The following CNTNAP3B variants were observed in gnomAD, a reference collection of about 807,000 sequenced individuals.
The protein encoded by CNTNAP3B is contactin associated protein family member 3B.
Under a neutral mutation model 108.9 loss-of-function variants are expected in CNTNAP3B, and 25 were observed. The ratio of observed to expected loss-of-function variants is 0.23; its 90% CI spans 0.17 to 0.32. CNTNAP3B has a LOEUF of 0.32. CNTNAP3B is among the 10% of genes least tolerant of loss of function. The pLI is 1.00. For missense variants in CNTNAP3B, 252 were observed against 1,210.4 expected (o/e 0.21, Z 11.75); for synonymous variants, 103 against 473.4 (o/e 0.22, Z 10.16).
At chr9:42,096,425 T>C (rs1427990513) in intron 2 of CNTNAP3B, among the ~76,000 whole-genome samples, 4 of 139,804 alleles carry the variant, frequency 2.9e-5, no homozygotes, top group Non-Finnish European at 3.1e-5. Context: ...GACCAAAAGA[T>C]GCTTTTGGAC....
chr9:42,057,407 G>A lies in CNTNAP3B; in HGVS notation c.390+19462C>T, dbSNP rs1347202679. ...TTTAGTAGAGACAGGGTTTCACCAC[G>A]TTAGCTAGTCTGCTCTCAAACTCCT... is the stretch of plus-strand genomic sequence containing the variant. On this transcript the variant is annotated intron_variant, in intron 3 of 23. Transcript: ENST00000377561. Among the ~76,000 whole-genome samples the A allele has an allele frequency of 7.5e-5, 7 of 93,298 alleles. 1 individual carries two copies. The highest frequency in any genetic ancestry group is 1.3e-4 in the Non-Finnish European group (6 of 44,648). 61.2% of individuals were successfully genotyped at this position (93,298 alleles called of 152,430 possible).
intron 15 of CNTNAP3B, among the ~76,000 whole-genome samples, chr9:41,924,375 G>A (rs1216989563): frequency 2.0e-5 from 3 of 152,304 alleles, no homozygotes; most frequent in African/African-American, 7.2e-5. Context: ...TAGGGACAGG[G>A]TCAAGTTCAG....
chr9:41,924,267 G>C (rs1235572526), intron 15 of CNTNAP3B, among the ~76,000 whole-genome samples, 174 bp from the exon 16 acceptor site: 32 of 151,912 alleles, frequency 2.1e-4, no homozygotes, highest in African/African-American at 6.3e-4. Context: ...GAGCTAAATG[G>C]TGATTACGCT....
intron 3 of CNTNAP3B, among the ~76,000 whole-genome samples, chr9:42,051,710 T>A (rs1347686305): frequency 7.0e-6 from 1 of 142,774 alleles, no homozygotes; most frequent in South Asian, 2.3e-4. Flanking sequence ...TGTAAATTTA[T>A]TGGCCGTTTA....
intron 2 of CNTNAP3B, among the ~76,000 whole-genome samples, chr9:42,080,661 TTG>T (rs1409461844): frequency 2.6e-5 from 1 of 38,280 alleles, no homozygotes; most frequent in South Asian, 7.5e-4. Context: ...GACAAAAATG[TTG>T]TCTTTGTTTA....
intron 14 of CNTNAP3B, among the ~76,000 whole-genome samples, chr9:41,934,644 T>G (rs1824099085): frequency 6.6e-6 from 1 of 152,422 alleles, no homozygotes; most frequent in African/African-American, 2.4e-5. Flanking sequence ...CATCTTTGTC[T>G]GACATAATAC....
intron 15 of CNTNAP3B, among the ~76,000 whole-genome samples, chr9:41,928,542 G>A (rs1357535388): frequency 2.0e-5 from 3 of 152,238 alleles, no homozygotes; most frequent in Non-Finnish European, 2.9e-5. Flanking sequence ...AGGGGATGGA[G>A]ACACCACACC....
Position 41,921,106 on chromosome 9 carries a change from A to G in CNTNAP3B, c.2756-797T>C, listed in dbSNP as rs576081871. 6.6e-5 allele frequency among the ~76,000 whole-genome samples: 10 copies of G among 152,416 alleles called. No homozygotes were observed. The East Asian group carries it at 1.9e-3, about 29-fold the overall frequency. ...CCAGAGATTCCAATTCGGTGGGCCT[A>G]AGGTGGGGGCCCCAAATCTGAACTA... is the stretch of plus-strand genomic sequence containing the variant. On this transcript the variant is annotated intron_variant, in intron 17 of 23. Transcript: ENST00000377561.
In CNTNAP3B at chr9:42,055,703, G is replaced by C. The variant is rs1044950909; in HGVS notation, c.390+21166C>G. On this transcript the variant is annotated intron_variant, in intron 3 of 23. Coordinates refer to ENST00000377561, the MANE Select transcript of CNTNAP3B (RefSeq NM_001201380.3). ...TTTAATTTTATAGATAGTGCCAAAT[G>C]GTTCTTCAAGAAATCATATTCATAA... 3.0e-4 allele frequency among the ~76,000 whole-genome samples: 22 copies of C among 74,070 alleles called. 6 individuals carry two copies. The highest frequency in any genetic ancestry group is 3.5e-4 in the Non-Finnish European group (13 of 37,000). The allele number at this position is 74,070 out of a possible 152,430, so 48.6% of individuals were successfully genotyped here. A position where few individuals can be genotyped will look rare whatever the true frequency, so the allele number is the denominator to read the frequency against.
chr9:41,932,574 C>A (rs1481128227), intron 14 of CNTNAP3B, among the ~76,000 whole-genome samples: 1 of 150,332 alleles, frequency 6.7e-6, no homozygotes, highest in Non-Finnish European at 1.5e-5. Context: ...GGCTGGAGTG[C>A]AATGGTGTGA....
rs1248729227 is a variant in CNTNAP3B, at chr9:42,097,578, AT to A, written c.196+7050del. Among the ~76,000 whole-genome samples the A allele has an allele frequency of 5.0e-5, 7 of 140,484 alleles. 2 individuals are homozygous for A. Among genetic ancestry groups the A allele is most frequent in the South Asian group, 2.3e-4 (1 of 4,360 alleles). 92.2% of individuals were successfully genotyped at this position (140,484 alleles called of 152,430 possible). A position where few individuals can be genotyped will look rare whatever the true frequency, so the allele number is the denominator to read the frequency against. On this transcript the variant is annotated intron_variant, in intron 2 of 23. Coordinates refer to ENST00000377561, the MANE Select transcript of CNTNAP3B (RefSeq NM_001201380.3). Reference sequence around the variant, plus strand: ...AATAGCTAAGTACAAATCTAAAAAAATAATTACGTACTTCAAAAACTAAAAA... The same window carrying A: ...AATAGCTAAGTACAAATCTAAAAAAAAATTACGTACTTCAAAAACTAAAAA...
intron 16 of CNTNAP3B, among the ~76,000 whole-genome samples, chr9:41,923,509 C>T (rs948538983): frequency 1.3e-5 from 2 of 152,250 alleles, no homozygotes; most frequent in Admixed American, 6.5e-5. Flanking sequence ...CACCTGTAAT[C>T]CCAGCACTTT....
At chr9:41,934,112 T>TATATATATATATATATATATATATATAC (rs1206776352) in intron 14 of CNTNAP3B, among the ~76,000 whole-genome samples, 1 of 126,348 alleles carries the variant, frequency 7.9e-6, no homozygotes, top group African/African-American at 3.0e-5. Context: ...TATATATATA[T>TATATATATATATATATATATATATATAC]ATATATATAT....
intron 3 of CNTNAP3B, among the ~76,000 whole-genome samples, chr9:42,030,785 AT>A (rs1228614057): frequency 8.7e-4 from 37 of 42,708 alleles, no homozygotes; most frequent in East Asian, 3.0e-3. Flanking sequence ...AGAGAGAGAG[AT>A]GTGTGCGAGA....
At chr9:41,997,484 T>G (rs1279846952) in intron 6 of CNTNAP3B, 84 bp downstream of exon 6, 1 of 1,443,358 alleles carries the variant, frequency 6.9e-7, no homozygotes, top group African/African-American at 1.5e-5. Context: ...AACTTAGTTA[T>G]GAATTACTAT....
chr9:42,030,819 A>ACAGAGAG (rs1826511142), intron 3 of CNTNAP3B, among the ~76,000 whole-genome samples: 2 of 115,706 alleles, frequency 1.7e-5, no homozygotes, highest in African/African-American at 3.6e-5. Context: ...GAGAGGAGAG[A>ACAGAGAG]GAGAGAGAGA....
Position 41,894,318 on chromosome 9 carries a change from G to A in CNTNAP3B, c.3746-208C>T, listed in dbSNP as rs1281824715. On this transcript the variant is annotated intron_variant, in intron 23 of 23. Transcript: ENST00000377561. ...TTTACAATTATTCTTTGTAGAGATG[G>A]GGTGTTGCTATGTTGCCCAGGCTGG... Among the ~76,000 whole-genome samples, 5 of 112,538 alleles carry A rather than the reference G, an allele frequency of 4.4e-5. 1 individual carries two copies. Among genetic ancestry groups the A allele is most frequent in the African/African-American group, 2.2e-4 (5 of 22,844 alleles). 73.8% of individuals were successfully genotyped at this position (112,538 alleles called of 152,430 possible).
intron 2 of CNTNAP3B, among the ~76,000 whole-genome samples, chr9:42,084,815 AT>A (rs1175192078): frequency 6.2e-5 from 1 of 16,196 alleles, no homozygotes; most frequent in Non-Finnish European, 1.2e-4. Flanking sequence ...TAACAGAGGA[AT>A]TTTTTTAGAG....
chr9:41,944,553 TAGG>T (rs1167066080), intron 13 of CNTNAP3B, among the ~76,000 whole-genome samples: 98 of 152,334 alleles, frequency 6.4e-4, no homozygotes, highest in African/African-American at 2.2e-3. Flanking sequence ...ATTAATATTC[TAGG>T]AGAAGTGAGG....
Sources: allele counts gnomAD v4.1 joint callset (sites outside exome capture counted in the v4.1 genomes callset), GRCh38; gene constraint gnomAD v4.1.1; transcripts MANE v1.5; gene names NCBI Gene and HGNC (gene_info 2026-07-23, HGNC 2026-07-21).